Variants in AK8 observed in about 807,000 individuals in gnomAD.
AK8 encodes adenylate kinase 8, also known as ATP-AMP transphosphorylase 8.
In AK8, 44 loss-of-function variants were observed where a neutral mutation model predicts 54.6. That is an observed-to-expected ratio of 0.81 (90% CI 0.63 to 1.04). The LOEUF (loss-of-function observed/expected upper bound fraction) is 1.04, where lower values mean the gene tolerates loss of function less well. Ranked by LOEUF, AK8 falls within the 50% of genes least tolerant of loss-of-function variation. AK8 has a pLI of 0.00. For missense variants in AK8, 555 were observed against 613.6 expected, an observed-to-expected ratio of 0.90 and a Z score of 1.01; for synonymous variants, 239 against 245.6, an observed-to-expected ratio of 0.97 and a Z score of 0.25.
chr9:132,742,384 C>T (rs77390444), intron 11 of AK8, among the ~76,000 whole-genome samples: 2,292 of 152,194 alleles, frequency 0.015, 46 homozygotes, highest in African/African-American at 0.053. Context: ...CACCATATTG[C>T]CCAGGTTGGT....
At chr9:132,797,985 A>G (rs1172576252) in intron 10 of AK8, among the ~76,000 whole-genome samples, 1 of 152,198 alleles carries the variant, frequency 6.6e-6, no homozygotes, top group African/African-American at 2.4e-5. Context: ...TTAACCTTTT[A>G]TAAGGAACAG....
chr9:132,805,682 G>C (rs1840687926), intron 10 of AK8, among the ~76,000 whole-genome samples: 1 of 152,196 alleles, frequency 6.6e-6, no homozygotes, highest in East Asian at 1.9e-4. Context: ...GATAAGCAAA[G>C]GTGCTCACCC....
intron 11 of AK8, among the ~76,000 whole-genome samples, chr9:132,732,788 A>ATGTTT (rs1456473867): frequency 6.6e-6 from 1 of 152,102 alleles, no homozygotes; most frequent in Non-Finnish European, 1.5e-5. Context: ...GTATATATTC[A>ATGTTT]TGTATGTATG....
In AK8 at chr9:132,826,220, T is replaced by C. The variant is rs1435629769; in HGVS notation, c.757+634A>G. Among the ~76,000 whole-genome samples, 1 of 151,698 alleles carries C rather than the reference T, an allele frequency of 6.6e-6. No individual in the cohort carries two copies. The highest frequency in any genetic ancestry group is 1.9e-4 in the East Asian group (1 of 5,172). ...ATGCCAAAACTAGGGCTCCGAGGAG[T>C]TAGGAGAAGTGCCAGAGGCTGCACA... On this transcript the variant is annotated intron_variant, in intron 8 of 12. Coordinates refer to ENST00000298545, the MANE Select transcript of AK8 (RefSeq NM_152572.3). This position sits in a 1 kb window ranked among gnomAD's most constrained non-coding sequence, Gnocchi z 4.5.
At chr9:132,798,280 T>G (rs761442410) in intron 10 of AK8, among the ~76,000 whole-genome samples, 4 of 152,306 alleles carry the variant, frequency 2.6e-5, no homozygotes, top group South Asian at 2.1e-4. Flanking sequence ...CCAGCCTCTC[T>G]GAGGCTCGGT....
intron 11 of AK8, among the ~76,000 whole-genome samples, chr9:132,754,888 C>A (rs1359240041): frequency 6.6e-6 from 1 of 151,936 alleles, no homozygotes; most frequent in African/African-American, 2.4e-5. Flanking sequence ...CAACCTCCAC[C>A]TCCTGGATTC....
intron 11 of AK8, among the ~76,000 whole-genome samples, chr9:132,728,994 C>T (rs1836701822): frequency 6.6e-6 from 1 of 151,962 alleles, no homozygotes; most frequent in Admixed American, 6.6e-5. Flanking sequence ...TCAATCTGCC[C>T]ATCTCAGCAT....
At chr9:132,873,633 G>A (rs1036530954) in intron 2 of AK8, among the ~76,000 whole-genome samples, 5 of 151,994 alleles carry the variant, frequency 3.3e-5, no homozygotes, top group South Asian at 2.1e-4. Context: ...CTCTGGTGGC[G>A]GTGTGAGATA....
At chr9:132,786,268 TG>T (rs746637673) in intron 11 of AK8, among the ~76,000 whole-genome samples, 2 of 152,108 alleles carry the variant, frequency 1.3e-5, no homozygotes, top group African/African-American at 2.4e-5. Flanking sequence ...CCCAGCTGAG[TG>T]AATGTCTCTC....
Position 132,848,666 on chromosome 9 carries a change from C to A in AK8, c.402+6191G>T, listed in dbSNP as rs140701488. Among the ~76,000 whole-genome samples the A allele has an allele frequency of 9.8e-4, 149 of 152,296 alleles. No individual in the cohort carries two copies. In the East Asian group the frequency reaches 0.027, roughly 27 times the overall value. ...TGGTCATGTTTGACTCTGCCTTCAA[C>A]TGCAGATGGTGAGCCCAAGGCAGGC... On this transcript the variant is annotated intron_variant, in intron 5 of 12. Coordinates refer to ENST00000298545, the MANE Select transcript of AK8 (RefSeq NM_152572.3).
Position 132,771,249 on chromosome 9 carries a change from G to T in AK8, c.1121+21385C>A, listed in dbSNP as rs146561042. Among the ~76,000 whole-genome samples, 665 of 152,316 alleles carry T rather than the reference G, an allele frequency of 4.4e-3. 5 individuals carry two copies. The highest frequency in any genetic ancestry group is 0.024 in the South Asian group (116 of 4,830). The stretch of plus-strand genomic sequence containing the variant: ...GACTAGGAGGGAAGAGGTAGGCCAG[G>T]TGCACAGCCCAGGGCCTGGCCCTCC... On this transcript the variant is annotated intron_variant, in intron 11 of 12. Coordinates refer to ENST00000298545, the MANE Select transcript of AK8 (RefSeq NM_152572.3).
intron 11 of AK8, among the ~76,000 whole-genome samples, chr9:132,760,187 AT>A (rs747942992): frequency 0.018 from 2,649 of 144,616 alleles, 43 homozygotes; most frequent in African/African-American, 0.051. Context: ...TACGTTGTTA[AT>A]TTTTTTTTTT....
intron 11 of AK8, among the ~76,000 whole-genome samples, chr9:132,767,681 A>G (rs757891495): frequency 6.6e-5 from 10 of 152,240 alleles, no homozygotes; most frequent in Non-Finnish European, 1.2e-4. Context: ...CACTACTCAC[A>G]ATAGCCAAGA....
intron 11 of AK8, among the ~76,000 whole-genome samples, chr9:132,754,637 G>A (rs554455771): frequency 7.2e-5 from 11 of 152,138 alleles, no homozygotes; most frequent in African/African-American, 2.4e-4. Flanking sequence ...TGCTGTTCCC[G>A]GGAGGACAGT....
chr9:132,785,540 G>A (rs1478044736), intron 11 of AK8, among the ~76,000 whole-genome samples: 1 of 152,194 alleles, frequency 6.6e-6, no homozygotes, highest in African/African-American at 2.4e-5. Flanking sequence ...CGGAAGTGGG[G>A]CAGGTAAGAA....
intron 2 of AK8, among the ~76,000 whole-genome samples, chr9:132,869,593 C>T (rs1005486158): frequency 3.3e-5 from 5 of 152,216 alleles, no homozygotes; most frequent in African/African-American, 7.2e-5. Context: ...GGAGCCAGGG[C>T]GGGCATTCAG....
chr9:132,793,698 C>T (rs550857095), intron 10 of AK8, among the ~76,000 whole-genome samples: 5 of 152,358 alleles, frequency 3.3e-5, no homozygotes, highest in East Asian at 1.9e-4. Flanking sequence ...GAAATTCATA[C>T]GTCTCTTCCC....
chr9:132,768,985 T>C (rs368027697), intron 11 of AK8: 1 of 152,074 alleles, frequency 6.6e-6, no homozygotes. Context: ...CAATCATCTA[T>C]TTATTAGAGT....
At chr9:132,762,128 C>T (rs748818550) in intron 11 of AK8, among the ~76,000 whole-genome samples, 28 of 152,172 alleles carry the variant, frequency 1.8e-4, no homozygotes, top group Admixed American at 3.3e-4. Context: ...CCTTGGCCTC[C>T]CAAAGTGCTA....
Sources: allele counts gnomAD v4.1 joint callset (sites outside exome capture counted in the v4.1 genomes callset), GRCh38; gene constraint gnomAD v4.1.1; non-coding constraint Gnocchi (gnomAD v3.1); transcripts MANE v1.5; gene names NCBI Gene and HGNC (gene_info 2026-07-23, HGNC 2026-07-21).